FAM91A1: variants seen among roughly 807,000 people sequenced by gnomAD.
FAM91A1 encodes the protein family with sequence similarity 91 member A1.
In FAM91A1, 41 loss-of-function variants were observed where a neutral mutation model predicts 113.5. That is an observed-to-expected ratio of 0.36 (90% CI 0.28 to 0.47). The LOEUF (loss-of-function observed/expected upper bound fraction) is 0.47, where lower values mean the gene tolerates loss of function less well. Ranked by LOEUF, FAM91A1 falls within the 20% of genes least tolerant of loss-of-function variation. FAM91A1 has a pLI of 1.00. For missense variants in FAM91A1, 696 were observed against 1,001.2 expected, an observed-to-expected ratio of 0.70 and a Z score of 4.11; for synonymous variants, 307 against 347.9, an observed-to-expected ratio of 0.88 and a Z score of 1.31.
chr8:123,781,042 A>G (rs1815107841), intron 8 of FAM91A1, among the ~76,000 whole-genome samples: 1 of 152,076 alleles, frequency 6.6e-6, no homozygotes, highest in Non-Finnish European at 1.5e-5. Context: ...TTATTAAACC[A>G]TTTTGTATTT....
intron 4 of FAM91A1, among the ~76,000 whole-genome samples, 155 bp from the exon 5 acceptor site, chr8:123,777,870 T>C (rs910054596): frequency 6.6e-6 from 1 of 152,236 alleles, no homozygotes; most frequent in Admixed American, 6.5e-5. Context: ...CTTTCATTTA[T>C]GTTTTGGTTG....
At chr8:123,793,338 G>C (rs902447162) in intron 15 of FAM91A1, among the ~76,000 whole-genome samples, 1 of 152,068 alleles carries the variant, frequency 6.6e-6, no homozygotes, top group Admixed American at 6.6e-5. Context: ...GAATCCATTG[G>C]TGGTTCTTGC....
Position 123,814,795 on chromosome 8 carries a change from T to G in FAM91A1, c.*2091T>G, listed in dbSNP as rs1039794857. On this transcript the variant is annotated 3_prime_UTR_variant, in exon 24 of 24. Transcript: ENST00000334705. ...TTTGTGAATTTGGCTTTGTTTTACT[T>G]ATACATTAACTCATGTAATCTCTTA... 8 of 152,670 alleles carry G rather than the reference T, an allele frequency of 5.2e-5. No homozygotes were observed. Among genetic ancestry groups the G allele is most frequent in the African/African-American group, 1.7e-4 (7 of 41,472 alleles). The allele number at this position is 152,670 out of a possible 1,614,324, so 9.5% of individuals were successfully genotyped here.
chr8:123,791,776 A>G (rs1815391817), intron 15 of FAM91A1, among the ~76,000 whole-genome samples: 1 of 152,146 alleles, frequency 6.6e-6, no homozygotes, highest in Admixed American at 6.5e-5. Flanking sequence ...CATTCGTTCT[A>G]TGTAGAGGAT....
At chr8:123,796,486 AG>A (rs1385287529) in intron 15 of FAM91A1, among the ~76,000 whole-genome samples, 3 of 124,416 alleles carry the variant, frequency 2.4e-5, no homozygotes, top group Non-Finnish European at 4.9e-5. Flanking sequence ...TTTGAGATGG[AG>A]TCTTGCTCTG....
At chr8:123,780,343 CTCT>C in intron 7 of FAM91A1, 134 bp from the exon 8 acceptor site, 1 of 757,552 alleles carries the variant, frequency 1.3e-6, no homozygotes, top group Non-Finnish European at 2.1e-6. Flanking sequence ...AATTCTTTTT[CTCT>C]TCTATTTTAC....
At chr8:123,770,638 A>G (rs1814816682) in intron 1 of FAM91A1, among the ~76,000 whole-genome samples, 1 of 152,256 alleles carries the variant, frequency 6.6e-6, no homozygotes, top group South Asian at 2.1e-4. Context: ...GAATAAATGT[A>G]GCATACTGGA....
rs1816042486 is a variant in FAM91A1 at position 123,815,060 on chromosome 8, G to T, written c.*2356G>T. The T allele has an allele frequency of 1.3e-5, 2 of 152,518 alleles. No homozygotes were observed. Among genetic ancestry groups the T allele is most frequent in the African/African-American group, 4.8e-5 (2 of 41,432 alleles). The allele number at this position is 152,518 out of a possible 1,614,324, so 9.4% of individuals were successfully genotyped here. ...AAGAACAAATATCAAAAAAGACATA[G>T]AATTTAATATTGATACAATTTCACC... On this transcript the variant is annotated 3_prime_UTR_variant, in exon 24 of 24. Coordinates refer to ENST00000334705, the MANE Select transcript of FAM91A1 (RefSeq NM_144963.4).
At chr8:123,797,322 A>G (rs1815549975) in intron 15 of FAM91A1, among the ~76,000 whole-genome samples, 1 of 152,212 alleles carries the variant, frequency 6.6e-6, no homozygotes. Flanking sequence ...GGTACTGTAT[A>G]GAGACATTTT....
At chr8:123,802,469 G>A (rs1390204704) in intron 18 of FAM91A1, among the ~76,000 whole-genome samples, 3 of 152,050 alleles carry the variant, frequency 2.0e-5, no homozygotes, top group South Asian at 2.1e-4. Flanking sequence ...TAGGGAACAC[G>A]GGAGGAAGTG....
At chr8:123,806,372 T>C (rs1177454149) in intron 20 of FAM91A1, 143 bp downstream of exon 20, 12 of 936,576 alleles carry the variant, frequency 1.3e-5, no homozygotes, top group African/African-American at 1.7e-5. Context: ...CGAGGAAATA[T>C]TTTGGAACAT....
In FAM91A1 at chr8:123,786,503, T is replaced by C; in HGVS notation, c.971T>C (p.Leu324Ser). The part of the protein sequence containing the change: ...VPSVNRLKST[L>S]DPQKMLLSWD... The stretch of plus-strand genomic sequence containing the variant: ...GCATTCTTCATTAATAGGAGTACCT[T>C]AGATCCACAGAAGATGCTCTTGTCA... The change falls in exon 12 of 24, where the codon TTA becomes TCA. Residue 324 changes from leucine to serine, a missense_variant. Coordinates refer to ENST00000334705, the MANE Select transcript of FAM91A1 (RefSeq NM_144963.4). 1 of 1,612,278 alleles carries C rather than the reference T, an allele frequency of 6.2e-7. No individual in the cohort carries two copies. Among genetic ancestry groups the C allele is most frequent in the Non-Finnish European group, 8.5e-7 (1 of 1,178,828 alleles).
chr8:123,768,467 G>A lies in FAM91A1; in HGVS notation c.-236G>A. ...GCCATTTCCGGCGGCCCGAAACTAGGAAGAAACTTGGAGCTGTTCAGGCGA... is the reference window on the plus strand; with the variant it reads ...GCCATTTCCGGCGGCCCGAAACTAGAAAGAAACTTGGAGCTGTTCAGGCGA... On this transcript the variant is annotated 5_prime_UTR_variant, in exon 1 of 24. Transcript: ENST00000334705. The A allele has an allele frequency of 2.3e-6, 1 of 442,120 alleles. No individual in the cohort carries two copies. The highest frequency in any genetic ancestry group is 4.0e-6 in the Non-Finnish European group (1 of 251,440). 27.4% of individuals were successfully genotyped at this position (442,120 alleles called of 1,614,324 possible). A position where few individuals can be genotyped will look rare whatever the true frequency, so the allele number is the denominator to read the frequency against.
rs745841222 is a variant in FAM91A1 at position 123,775,193 on chromosome 8, A to C, written c.204A>C (p.Leu68=). The change falls in exon 3 of 24, where the codon CTA becomes CTC. Residue 68 remains leucine, a synonymous_variant. Coordinates refer to ENST00000334705, the MANE Select transcript of FAM91A1 (RefSeq NM_144963.4). ...KDERRYYEEL[L]KYSRDHLMLY... ...AACGCAGATACTATGAGGAACTGCTAAAGTACAGCCGAGATCATCTCATGC... is the reference window on the plus strand; with the variant it reads ...AACGCAGATACTATGAGGAACTGCTCAAGTACAGCCGAGATCATCTCATGC... The C allele has an allele frequency of 6.2e-7, 1 of 1,613,338 alleles. No homozygotes were observed. The highest frequency in any genetic ancestry group is 1.1e-5 in the South Asian group (1 of 91,004).
At chr8:123,797,799 A>G (rs899555175) in intron 15 of FAM91A1, among the ~76,000 whole-genome samples, 23 of 152,204 alleles carry the variant, frequency 1.5e-4, no homozygotes, top group Non-Finnish European at 2.9e-5. Flanking sequence ...CCACTGTTGT[A>G]GAGTGGCTCT....
intron 8 of FAM91A1, among the ~76,000 whole-genome samples, chr8:123,781,099 T>TA (rs1345132420): frequency 1.3e-5 from 2 of 152,230 alleles, no homozygotes; most frequent in Non-Finnish European, 2.9e-5. Flanking sequence ...ACAATACTGA[T>TA]ATGTTCAATA....
Position 123,798,592 on chromosome 8 carries a change from G to C in FAM91A1, c.1560+354G>C, listed in dbSNP as rs149198909. Among the ~76,000 whole-genome samples, 1,203 of 152,296 alleles carry C rather than the reference G, an allele frequency of 7.9e-3. 15 individuals carry two copies. Among genetic ancestry groups the C allele is most frequent in the African/African-American group, 0.028 (1,148 of 41,564 alleles). ...GAAGTGGGGCTGTGATTCTGAATAAGCCGAAAAGAAAAGATGGTGCTTGAA... is the reference window on the plus strand; with the variant it reads ...GAAGTGGGGCTGTGATTCTGAATAACCCGAAAAGAAAAGATGGTGCTTGAA... On this transcript the variant is annotated intron_variant, in intron 16 of 23. Coordinates refer to ENST00000334705, the MANE Select transcript of FAM91A1 (RefSeq NM_144963.4).
At chr8:123,801,683 AAGG>A (rs1205875279) in intron 18 of FAM91A1, among the ~76,000 whole-genome samples, 1 of 152,256 alleles carries the variant, frequency 6.6e-6, no homozygotes, top group East Asian at 1.9e-4. Context: ...GCCTTGGGGC[AAGG>A]AGAAGGGCTT....
chr8:123,789,840 A>C (rs1187558313), intron 15 of FAM91A1, 95 bp downstream of exon 15: 14 of 1,409,086 alleles, frequency 9.9e-6, no homozygotes, highest in Non-Finnish European at 1.3e-5. Flanking sequence ...ATCATCACTT[A>C]CGTATTTTGT....
Sources: gnomAD v4.1 joint callset for allele counts (sites outside exome capture counted in the v4.1 genomes callset) on GRCh38, gnomAD v4.1.1 for gene constraint, MANE v1.5 for transcripts, NCBI Gene and HGNC (gene_info 2026-07-23, HGNC 2026-07-21) for gene names.